NUMA1: variants seen among roughly 807,000 people sequenced by gnomAD.
NUMA1 encodes SP-H antigen.
NUMA1 carries 62 observed loss-of-function variants against 237.1 expected under a neutral mutation model. The ratio of observed to expected loss-of-function variants is 0.26; its 90% CI spans 0.21 to 0.32. NUMA1 has a LOEUF of 0.32. Ranked by LOEUF, NUMA1 falls within the 10% of genes least tolerant of loss-of-function variation. The pLI, the probability that NUMA1 is intolerant of heterozygous loss-of-function variation, is 1.00. For synonymous variants in NUMA1, 1,028 were observed against 1,066.1 expected, an observed-to-expected ratio of 0.96 and a Z score of 0.70; for missense variants, 2,533 against 2,666.5, an observed-to-expected ratio of 0.95 and a Z score of 1.10.
Position 72,014,614 on chromosome 11 carries a change from T to C in NUMA1, c.2889A>G (p.Thr963=), listed in dbSNP as rs1436597241. The change falls in exon 15 of 27, where the codon ACA becomes ACG. Residue 963 remains threonine (T), a synonymous_variant. Transcript: ENST00000393695. The surrounding 1 kb of genome is among the most constrained non-coding windows in gnomAD (Gnocchi z 4.6). ...EEQQGRQFCS[T]QAALQAMERE... The stretch of plus-strand genomic sequence containing the variant: ...GCTCCATAGCCTGCAGCGCTGCCTG[T>C]GTGCTGCAGAACTGGCGTCCCTGTT... 1 of 1,608,636 alleles carries C rather than the reference T, an allele frequency of 6.2e-7. No individual in the cohort carries two copies.
intron 13 of NUMA1, chr11:72,017,468 T>C: frequency 1.7e-6 from 1 of 581,974 alleles, no homozygotes; most frequent in East Asian, 2.9e-5. Context: ...GATTGAAAGG[T>C]GTACTATAAA....
intron 4 of NUMA1, among the ~76,000 whole-genome samples, chr11:72,028,293 A>C (rs891108773): frequency 3.3e-5 from 5 of 152,080 alleles, no homozygotes; most frequent in African/African-American, 1.2e-4. Context: ...TTCTTTCCCT[A>C]TCAATGAGCT....
chr11:72,055,965 TACACACACACACAC>T (rs58350314), intron 2 of NUMA1, among the ~76,000 whole-genome samples: 12 of 148,106 alleles, frequency 8.1e-5, no homozygotes, highest in East Asian at 2.0e-4. Context: ...AAAATACACA[TACACACACACACAC>T]ACACACACAC....
At chr11:72,004,541 A>G in intron 24 of NUMA1, 99 bp downstream of exon 24, 1 of 1,305,626 alleles carries the variant, frequency 7.7e-7, no homozygotes, top group South Asian at 1.3e-5. Context: ...AGAGAGGGGG[A>G]AGTGAGGGAA....
chr11:72,023,046 T>C lies in NUMA1; in HGVS notation c.291+19A>G, dbSNP rs1245447511. On this transcript the variant is annotated intron_variant, in intron 6 of 26. Transcript: ENST00000393695. ...CCCCAACCCTGCCCTGCCTCCCCAG[T>C]CTGGTATTCCATAGGTACCTTCGCC... 3.1e-6 allele frequency: 5 copies of C among 1,597,648 alleles called. No homozygotes were observed. In the African/African-American group the frequency reaches 6.7e-5, roughly 21 times the overall value.
intron 2 of NUMA1, among the ~76,000 whole-genome samples, chr11:72,056,661 G>T (rs1282644928): frequency 2.3e-5 from 1 of 44,422 alleles, no homozygotes; most frequent in Non-Finnish European, 5.0e-5. Context: ...AAAAAAAAAA[G>T]GCAAGCCAAA....
chr11:72,010,884 C>A (rs1956113673), intron 16 of NUMA1, 30 bp from the exon 17 acceptor site: 1 of 1,596,890 alleles, frequency 6.3e-7, no homozygotes, highest in Non-Finnish European at 8.6e-7. Context: ...ACAGAAGACT[C>A]AGGAGGACTT....
rs1271892904 is a variant in NUMA1 at position 72,008,756 on chromosome 11, G to T, written c.5148C>A (p.Pro1716=). The change falls in exon 20 of 27, where the codon CCC becomes CCA. Residue 1716 remains proline (P), a synonymous_variant. Transcript: ENST00000393695. Reference sequence around the variant, plus strand: ...GGCTGTCAATACTCAAGTCCAGCTGGGGCTTAGCCTGGGGCTCACGGCTCT... The same window carrying T: ...GGCTGTCAATACTCAAGTCCAGCTGTGGCTTAGCCTGGGGCTCACGGCTCT... ...ALKSREPQAK[P]QLDLSIDSLD... The T allele has an allele frequency of 2.5e-6, 4 of 1,614,110 alleles. No individual in the cohort carries two copies. The South Asian group carries it at 3.3e-5, about 13-fold the overall frequency.
Position 72,012,391 on chromosome 11 carries a change from CAGG to C in NUMA1, c.4650+7_4650+9del. The C allele has an allele frequency of 6.2e-7, 1 of 1,612,622 alleles. No individual in the cohort carries two copies. Among genetic ancestry groups the C allele is most frequent in the South Asian group, 1.1e-5 (1 of 90,642 alleles). On this transcript the variant is annotated splice_region_variant and intron_variant, in intron 16 of 26. Coordinates refer to ENST00000393695, the MANE Select transcript of NUMA1 (RefSeq NM_006185.4). ...AGCAGCCAGCATTTAGCGAGGACCT[CAGG>C]CATTACCTGCTTAGTTTGCTCTCTC...
At position 72,009,117 on chromosome 11, in the gene NUMA1, C is replaced by T; in HGVS notation, c.4908G>A (p.Arg1636=). 6.2e-7 allele frequency: 1 copy of T among 1,611,148 alleles called. No homozygotes were observed. The highest frequency in any genetic ancestry group is 8.5e-7 in the Non-Finnish European group (1 of 1,179,238). The change falls in exon 19 of 27, where the codon CGG becomes CGA. Residue 1636 remains arginine (R), a synonymous_variant. Coordinates refer to ENST00000393695, the MANE Select transcript of NUMA1 (RefSeq NM_006185.4). The stretch of plus-strand genomic sequence containing the variant: ...TTTCCTTCTGCAGCTGCTCCAGGCT[C>T]CGCAGCTGCTCCTGCAGCTCTTGGT... ...QQNQELQEQL[R]SLEQLQKENK...
chr11:72,006,168 AGAG>A lies in NUMA1; in HGVS notation c.5556_5558del (p.Ser1853del), dbSNP rs754663999. On this transcript the variant is annotated inframe_deletion, in exon 22 of 27. Transcript: ENST00000393695. Reference sequence around the variant, plus strand: ...AACCCAGGCGAGCTAGAGACTGAGTAGAGGAGGTGGCTCGCAGGCTAGCCTGGG... The same window carrying A: ...AACCCAGGCGAGCTAGAGACTGAGTAGAGGTGGCTCGCAGGCTAGCCTGGG... The A allele has an allele frequency of 5.0e-6, 8 of 1,614,076 alleles. No individual in the cohort carries two copies. In the African/African-American group the frequency reaches 1.1e-4, roughly 22 times the overall value.
chr11:72,073,149 A>AG (rs1943543444), intron 1 of NUMA1, among the ~76,000 whole-genome samples: 1 of 150,668 alleles, frequency 6.6e-6, no homozygotes, highest in South Asian at 2.1e-4. Context: ...GCTTGAGCTC[A>AG]GGTGTTCAAG....
intron 13 of NUMA1, 125 bp from the exon 14 acceptor site, chr11:72,016,655 G>T: frequency 7.7e-7 from 1 of 1,292,552 alleles, no homozygotes. Context: ...CTTTTGCCCT[G>T]GCCTAGAAAA....
chr11:72,028,356 A>G (rs1939843072), intron 4 of NUMA1, among the ~76,000 whole-genome samples: 1 of 150,452 alleles, frequency 6.6e-6, no homozygotes, highest in Non-Finnish European at 1.5e-5. Context: ...TGAGTCCCTG[A>G]TACCAGTTCC....
chr11:72,063,365 C>T (rs1943041676), intron 2 of NUMA1, among the ~76,000 whole-genome samples: 1 of 152,014 alleles, frequency 6.6e-6, no homozygotes, highest in African/African-American at 2.4e-5. Flanking sequence ...GCCTGGGTGA[C>T]AGAGTGAGAC....
At chr11:72,047,037 G>A (rs192691457) in intron 2 of NUMA1, among the ~76,000 whole-genome samples, 45 of 152,200 alleles carry the variant, frequency 3.0e-4, no homozygotes, top group African/African-American at 1.0e-3. Context: ...AGGTTGAAGC[G>A]GGGTGGTGAC....
At chr11:72,043,892 CA>C (rs1941843012) in intron 2 of NUMA1, among the ~76,000 whole-genome samples, 1 of 152,212 alleles carries the variant, frequency 6.6e-6, no homozygotes. Flanking sequence ...CATGCCACTG[CA>C]CTCCAGCCTG....
At chr11:72,040,866 G>C (rs879937419) in intron 2 of NUMA1, 4 of 151,994 alleles carry the variant, frequency 2.6e-5, no homozygotes, top group Admixed American at 1.3e-4. Context: ...GGGAGGTGAG[G>C]GGGGAGAATC....
chr11:72,060,656 G>A (rs910626520), intron 2 of NUMA1, among the ~76,000 whole-genome samples: 1 of 151,630 alleles, frequency 6.6e-6, no homozygotes, highest in African/African-American at 2.4e-5. Context: ...AAAACAAAAC[G>A]CACACACACA....
Sources: gnomAD v4.1 joint callset for allele counts (sites outside exome capture counted in the v4.1 genomes callset) on GRCh38, gnomAD v4.1.1 for gene constraint, Gnocchi (gnomAD v3.1) non-coding constraint, MANE v1.5 for transcripts, NCBI Gene and HGNC (gene_info 2026-07-23, HGNC 2026-07-21) for gene names.